The following ACACB variants were observed in gnomAD, a reference collection of about 807,000 sequenced individuals.
The protein encoded by ACACB is acetyl-CoA carboxylase 2.
In ACACB, 209 loss-of-function variants were observed where a neutral mutation model predicts 278.8. The ratio of observed to expected loss-of-function variants is 0.75; its 90% CI spans 0.67 to 0.84. The LOEUF (loss-of-function observed/expected upper bound fraction) is 0.84. Ranked by LOEUF, ACACB falls within the 40% of genes least tolerant of loss-of-function variation. ACACB has a pLI of 0.00. For missense variants in ACACB, 2,850 were observed against 3,269.0 expected (o/e 0.87, Z 3.13); for synonymous variants, 1,174 against 1,285.6 (o/e 0.91, Z 1.86).
intron 9 of ACACB, among the ~76,000 whole-genome samples, chr12:109,178,511 C>A (rs2044350190): frequency 6.6e-6 from 1 of 152,232 alleles, no homozygotes; most frequent in South Asian, 2.1e-4. Context: ...AACTCTTTAA[C>A]AGTGCAATAT....
At chr12:109,133,958 G>T (rs2042908236) in intron 1 of ACACB, among the ~76,000 whole-genome samples, 1 of 138,276 alleles carries the variant, frequency 7.2e-6, no homozygotes, top group Non-Finnish European at 1.5e-5. Flanking sequence ...TCACTTGGTT[G>T]CCCAGGCTGG....
chr12:109,153,808 G>A, intron 2 of ACACB, among the ~76,000 whole-genome samples: 1 of 152,078 alleles, frequency 6.6e-6, no homozygotes, highest in East Asian at 1.9e-4. Context: ...GACTACAGGT[G>A]TGCACCACCA....
intron 19 of ACACB, among the ~76,000 whole-genome samples, chr12:109,202,347 C>T (rs994339676): frequency 3.3e-5 from 5 of 152,090 alleles, no homozygotes; most frequent in African/African-American, 1.2e-4. Context: ...CAGACTCTCG[C>T]TCTGTCGCCC....
At chr12:109,222,442 G>A (rs2046196950) in intron 24 of ACACB, 65 bp from the exon 25 acceptor site, 5 of 1,475,322 alleles carry the variant, frequency 3.4e-6, no homozygotes, top group Non-Finnish European at 4.7e-6. Flanking sequence ...CCCAAGTCGA[G>A]ATGAGTGCTG....
chr12:109,219,558 C>G (rs973270003), intron 24 of ACACB, among the ~76,000 whole-genome samples: 2 of 151,990 alleles, frequency 1.3e-5, no homozygotes, highest in South Asian at 2.1e-4. Context: ...GTTTAATGTT[C>G]AGTTTCTTTG....
At chr12:109,167,130 G>T in intron 3 of ACACB, 137 bp downstream of exon 3, 1 of 1,056,180 alleles carries the variant, frequency 9.5e-7, no homozygotes, top group Non-Finnish European at 1.4e-6. Flanking sequence ...GCTCCTCTGA[G>T]TTTTAATAGT....
chr12:109,260,053 G>A (rs2047338199), intron 47 of ACACB: 5 of 1,354,250 alleles, frequency 3.7e-6, no homozygotes, highest in Non-Finnish European at 4.9e-6. Context: ...TTGCATTCTT[G>A]TTTTCATGTA....
At chr12:109,234,479 G>A (rs1324241970) in intron 31 of ACACB, among the ~76,000 whole-genome samples, 1 of 152,208 alleles carries the variant, frequency 6.6e-6, no homozygotes, top group African/African-American at 2.4e-5. Flanking sequence ...GGGACAGAGC[G>A]AGACCCTGTC....
chr12:109,201,783 C>A, intron 19 of ACACB, 82 bp downstream of exon 19: 2 of 1,545,134 alleles, frequency 1.3e-6, no homozygotes, highest in South Asian at 1.2e-5. Context: ...CAGGTGGACT[C>A]AAGGCTGGTA....
chr12:109,227,340 A>C, intron 27 of ACACB, 31 bp from the exon 28 acceptor site: 1 of 1,589,762 alleles, frequency 6.3e-7, no homozygotes, highest in Non-Finnish European at 8.6e-7. Flanking sequence ...GTGGCCCCTG[A>C]GAGAATGTCC....
rs140203384 is a variant in ACACB, at chr12:109,228,261, G to T, written c.4001+772G>T. On this transcript the variant is annotated intron_variant, in intron 28 of 52. Transcript: ENST00000338432. Reference sequence around the variant, plus strand: ...GGCTGAGGGAGAACTGCTCGAACCCGGGAGGCAGAGGTTGCAGTGAGCTGA... The same window carrying T: ...GGCTGAGGGAGAACTGCTCGAACCCTGGAGGCAGAGGTTGCAGTGAGCTGA... Among the ~76,000 whole-genome samples, 272 of 151,776 alleles carry T rather than the reference G, an allele frequency of 1.8e-3. 3 individuals carry two copies. Among genetic ancestry groups the T allele is most frequent in the African/African-American group, 6.0e-3 (248 of 41,370 alleles).
Position 109,223,869 on chromosome 12 carries a change from C to A in ACACB, c.3847C>A (p.His1283Asn), listed in dbSNP as rs749901306. ...IFDVLPTFFY[H>N]ANKVVCMASL... ...CGACGTCCTGCCTACTTTCTTCTAT[C>A]ACGCAAACAAAGTCGTGTGCATGGC... Residue 1283 changes from histidine to asparagine, a missense_variant, in exon 27 of 53, where the codon CAC becomes AAC. His to Asn is a moderately conservative substitution (Grantham distance 68). This residue lies in a region of ACACB where 2,265 missense variants were observed against 2,561.3 expected (regional missense o/e 0.88). Coordinates refer to ENST00000338432, the MANE Select transcript of ACACB (RefSeq NM_001093.4). 2 of 1,614,192 alleles carry A rather than the reference C, an allele frequency of 1.2e-6. No individual in the cohort carries two copies. The highest frequency in any genetic ancestry group is 1.7e-6 in the Non-Finnish European group (2 of 1,180,018).
At chr12:109,163,417 G>A (rs1040599429) in intron 2 of ACACB, among the ~76,000 whole-genome samples, 2 of 152,080 alleles carry the variant, frequency 1.3e-5, no homozygotes, top group African/African-American at 4.8e-5. Flanking sequence ...GCCAAAAACA[G>A]GCTCGTAGAC....
chr12:109,233,426 C>G (rs747815456), intron 29 of ACACB, among the ~76,000 whole-genome samples: 4 of 152,064 alleles, frequency 2.6e-5, no homozygotes, highest in Non-Finnish European at 5.9e-5. Context: ...GGTGAGGTTT[C>G]TAGGATCTCC....
rs1333568959 is a variant in ACACB, at chr12:109,242,557, A to G, written c.5143A>G (p.Thr1715Ala). Reference protein sequence around the residue: ...KRFQAQTLGTTYIYDFPEMFR... With the variant: ...KRFQAQTLGTAYIYDFPEMFR... ...ATTCCAGGCCCAGACCCTGGGAACC[A>G]CCTACATCTATGACTTCCCGGAAAT... Residue 1715 changes from threonine to alanine, a missense_variant, in exon 37 of 53, where the codon ACC becomes GCC. Thr to Ala is a moderately conservative substitution (Grantham distance 58). Around this residue, in one of 3 missense-constraint regions of ACACB, gnomAD observed 2,265 missense variants for 2,561.3 expected, o/e 0.88. Transcript: ENST00000338432. 3 of 1,613,982 alleles carry G rather than the reference A, an allele frequency of 1.9e-6. No homozygotes were observed. Among genetic ancestry groups the G allele is most frequent in the African/African-American group, 1.3e-5 (1 of 74,902 alleles).
chr12:109,264,994 G>A, intron 50 of ACACB, 116 bp from the exon 51 acceptor site: 1 of 1,181,600 alleles, frequency 8.5e-7, no homozygotes, highest in South Asian at 1.5e-5. Flanking sequence ...GGATGATCTG[G>A]GAATGATCTC....
Position 109,158,470 on chromosome 12 carries a change from A to C in ACACB, c.654-8391A>C, listed in dbSNP as rs1333348337. Among the ~76,000 whole-genome samples the C allele has an allele frequency of 5.9e-5, 9 of 151,372 alleles. No homozygotes were observed. The Admixed American group carries it at 5.9e-4, about 10-fold the overall frequency. On this transcript the variant is annotated intron_variant, in intron 2 of 52. Coordinates refer to ENST00000338432, the MANE Select transcript of ACACB (RefSeq NM_001093.4). Reference sequence around the variant, plus strand: ...ACCAAGACAGGAGGGTTGCTTGAGGAGTTTGAGACCAGTCTGGGCAACATG... The same window carrying C: ...ACCAAGACAGGAGGGTTGCTTGAGGCGTTTGAGACCAGTCTGGGCAACATG...
At position 109,247,723 on chromosome 12, in the gene ACACB, G is replaced by A. The variant is rs763786619; in HGVS notation, c.5669+20G>A. 6.3e-7 allele frequency: 1 copy of A among 1,588,826 alleles called. No homozygotes were observed. On this transcript the variant is annotated intron_variant, in intron 40 of 52. Coordinates refer to ENST00000338432, the MANE Select transcript of ACACB (RefSeq NM_001093.4). Reference sequence around the variant, plus strand: ...GTCCAGGTAAATAACTTATCAGGTAGCTCCTTAATTTTGCTCATGGTTAAT... The same window carrying A: ...GTCCAGGTAAATAACTTATCAGGTAACTCCTTAATTTTGCTCATGGTTAAT...
chr12:109,243,248 G>A (rs535198905), intron 37 of ACACB, among the ~76,000 whole-genome samples: 7 of 152,288 alleles, frequency 4.6e-5, no homozygotes, highest in African/African-American at 1.4e-4. Context: ...AGTCTAGACA[G>A]CTGTGGGAAA....
Sources: gnomAD v4.1 joint callset for allele counts (sites outside exome capture counted in the v4.1 genomes callset) on GRCh38, gnomAD v4.1.1 for gene constraint, gnomAD v4.1.1 regional missense constraint, MANE v1.5 for transcripts, NCBI Gene and HGNC (gene_info 2026-07-23, HGNC 2026-07-21) for gene names.